The following DPP10 variants were observed in gnomAD, a reference collection of about 807,000 sequenced individuals.
DPP10 encodes inactive dipeptidyl peptidase 10.
A neutral mutation model predicts 120.9 loss-of-function variants in DPP10; 33 were observed. The ratio of observed to expected loss-of-function variants is 0.27; its 90% CI spans 0.21 to 0.37. DPP10 has a LOEUF of 0.37. Among genes scored for constraint, DPP10 ranks in the 10% least tolerant of loss-of-function variants. The probability of loss-of-function intolerance (pLI) is 1.00; values close to 1 mark genes in which losing one functional copy is unlikely to be tolerated. For synonymous variants in DPP10, 337 were observed against 326.1 expected (o/e 1.03, Z -0.36); for missense variants, 816 against 942.8 (o/e 0.87, Z 1.76).
intron 3 of DPP10, among the ~76,000 whole-genome samples, chr2:115,481,306 G>A (rs1165735343): frequency 6.6e-6 from 1 of 152,058 alleles, no homozygotes; most frequent in Non-Finnish European, 1.5e-5. Context: ...CTCAACTGTG[G>A]CTTAATTATC....
chr2:115,253,399 C>T (rs2058836527), intron 1 of DPP10, among the ~76,000 whole-genome samples: 1 of 152,056 alleles, frequency 6.6e-6, no homozygotes, highest in South Asian at 2.1e-4. Flanking sequence ...AAATCTTGTC[C>T]CAATAGTCCC....
intron 1 of DPP10, among the ~76,000 whole-genome samples, chr2:114,522,535 T>C (rs1685158650): frequency 6.6e-6 from 1 of 152,204 alleles, no homozygotes; most frequent in African/African-American, 2.4e-5. Flanking sequence ...AATAGAAATA[T>C]AAATATTACA....
chr2:114,700,362 T>G (rs762655144), intron 1 of DPP10, among the ~76,000 whole-genome samples: 1 of 151,608 alleles, frequency 6.6e-6, no homozygotes, highest in African/African-American at 2.4e-5. Context: ...GTAGATTACT[T>G]CCCACCTTTC....
chr2:115,787,613 A>G (rs1683484503), intron 17 of DPP10, among the ~76,000 whole-genome samples: 2 of 152,168 alleles, frequency 1.3e-5, no homozygotes, highest in African/African-American at 4.8e-5. Context: ...TACATCTATC[A>G]TATTTGTAAT....
intron 3 of DPP10, among the ~76,000 whole-genome samples, chr2:115,353,910 A>G (rs2064196133): frequency 6.6e-6 from 1 of 152,156 alleles, no homozygotes; most frequent in African/African-American, 2.4e-5. Flanking sequence ...GTGTTTATAA[A>G]TTAATTTTTA....
At chr2:114,684,897 G>A (rs915495750) in intron 1 of DPP10, among the ~76,000 whole-genome samples, 14 of 152,050 alleles carry the variant, frequency 9.2e-5, no homozygotes, top group African/African-American at 3.1e-4. Context: ...CTACCTAGGG[G>A]AGACCATGGA....
chr2:115,578,292 A>C (rs11884409), intron 5 of DPP10, among the ~76,000 whole-genome samples: 93,839 of 151,948 alleles, frequency 0.62, 29,804 homozygotes, highest in Middle Eastern at 0.76. Flanking sequence ...CCAATGACAA[A>C]ATACATATGA....
chr2:115,035,677 A>G (rs1272454430), intron 1 of DPP10, among the ~76,000 whole-genome samples: 1 of 152,226 alleles, frequency 6.6e-6, no homozygotes, highest in African/African-American at 2.4e-5. Flanking sequence ...TACCCCAAAT[A>G]TAAATTGGTA....
intron 21 of DPP10, among the ~76,000 whole-genome samples, chr2:115,835,888 T>C (rs1327214353): frequency 1.3e-5 from 2 of 152,066 alleles, no homozygotes; most frequent in Non-Finnish European, 2.9e-5. Flanking sequence ...CATTTGGTGA[T>C]GTAATTAATT....
chr2:115,641,156 A>T (rs1385266381), intron 5 of DPP10, among the ~76,000 whole-genome samples: 3 of 152,164 alleles, frequency 2.0e-5, no homozygotes, highest in African/African-American at 7.2e-5. Flanking sequence ...CTCCTAGCCC[A>T]AGCCATCATT....
At chr2:114,874,735 T>C (rs967966238) in intron 1 of DPP10, among the ~76,000 whole-genome samples, 7 of 152,106 alleles carry the variant, frequency 4.6e-5, no homozygotes, top group African/African-American at 1.7e-4. Context: ...ATGAAACCAG[T>C]CCCTGGTGCC....
chr2:115,716,366 A>T (rs541049788), intron 7 of DPP10, among the ~76,000 whole-genome samples: 1 of 152,344 alleles, frequency 6.6e-6, no homozygotes, highest in Admixed American at 6.5e-5. Flanking sequence ...TGATGTAGTT[A>T]TGTATACATC....
At chr2:115,048,748 C>T (rs1434276133) in intron 1 of DPP10, among the ~76,000 whole-genome samples, 1 of 152,052 alleles carries the variant, frequency 6.6e-6, no homozygotes, top group Admixed American at 6.6e-5. Context: ...TATTCTCCTA[C>T]ACTTTACCAG....
At chr2:115,531,881 C>T (rs1024667357) in intron 5 of DPP10, among the ~76,000 whole-genome samples, 2 of 152,048 alleles carry the variant, frequency 1.3e-5, no homozygotes, top group Non-Finnish European at 1.5e-5. Context: ...AATTCACACA[C>T]TATGTACTGT....
intron 1 of DPP10, among the ~76,000 whole-genome samples, chr2:115,093,136 C>T (rs542813729): frequency 6.6e-6 from 1 of 152,128 alleles, no homozygotes; most frequent in Non-Finnish European, 1.5e-5. Flanking sequence ...AGCAAAGATC[C>T]CTCACTTGGA....
chr2:115,396,409 C>T (rs1343828951), intron 3 of DPP10, among the ~76,000 whole-genome samples: 4 of 152,166 alleles, frequency 2.6e-5, no homozygotes, highest in African/African-American at 9.7e-5. Flanking sequence ...GTTTACAGAA[C>T]ATTTGTGAAA....
At chr2:115,571,033 T>C (rs2081307774) in intron 5 of DPP10, among the ~76,000 whole-genome samples, 3 of 152,188 alleles carry the variant, frequency 2.0e-5, no homozygotes, top group Admixed American at 2.0e-4. Context: ...TCACTTGCCT[T>C]GGCACTCACA....
Position 114,695,231 on chromosome 2 carries a change from G to A in DPP10, c.60+252393G>A, listed in dbSNP as rs1307879574. 9.2e-5 allele frequency among the ~76,000 whole-genome samples: 14 copies of A among 152,104 alleles called. No homozygotes were observed. The East Asian group carries it at 2.1e-3, about 23-fold the overall frequency. ...GTATTGGAGATGTAGTGAAATGGGC[G>A]ATTATGAAAGTGATAGAATCTATAG... On this transcript the variant is annotated intron_variant, in intron 1 of 25. Transcript: ENST00000410059.
At chr2:114,998,189 T>C (rs1330410587) in intron 1 of DPP10, among the ~76,000 whole-genome samples, 2 of 152,212 alleles carry the variant, frequency 1.3e-5, no homozygotes, top group African/African-American at 2.4e-5. Flanking sequence ...TACTTATTAG[T>C]CATATAACTG....
Sources: gnomAD v4.1 joint callset for allele counts (sites outside exome capture counted in the v4.1 genomes callset) on GRCh38, gnomAD v4.1.1 for gene constraint, MANE v1.5 for transcripts, NCBI Gene and HGNC (gene_info 2026-07-23, HGNC 2026-07-21) for gene names.